The following PCDHA1 variants were observed in gnomAD, a reference collection of about 807,000 sequenced individuals.
PCDHA1 encodes protocadherin alpha-1.
PCDHA1 carries 42 observed loss-of-function variants against 61.3 expected under a neutral mutation model. The ratio of observed to expected loss-of-function variants is 0.69; its 90% CI spans 0.54 to 0.89. The LOEUF (loss-of-function observed/expected upper bound fraction) is 0.89, where lower values mean the gene tolerates loss of function less well. Ranked by LOEUF, PCDHA1 falls within the 40% of genes least tolerant of loss-of-function variation. The pLI is 0.00. For missense variants in PCDHA1, 1,256 were observed against 1,235.3 expected, an observed-to-expected ratio of 1.02 and a Z score of -0.25; for synonymous variants, 610 against 553.8, an observed-to-expected ratio of 1.10 and a Z score of -1.43.
intron 1 of PCDHA1, chr5:140,968,146 T>C: frequency 6.2e-7 from 1 of 1,614,140 alleles, no homozygotes. Flanking sequence ...TTGAGATCTC[T>C]GACATCAATG....
intron 1 of PCDHA1, chr5:140,807,856 T>C (rs781955377): frequency 1.9e-6 from 3 of 1,614,214 alleles, no homozygotes. Context: ...CCGAGTTGAC[T>C]GGCACCGTTC....
At chr5:140,828,752 G>C in intron 1 of PCDHA1, 1 of 1,614,226 alleles carries the variant, frequency 6.2e-7, no homozygotes, top group Admixed American at 1.7e-5. Context: ...GGGCAAACCT[G>C]AGCTCACAGG....
chr5:140,795,970 A>G (rs1762017132), intron 1 of PCDHA1: 2 of 1,614,032 alleles, frequency 1.2e-6, no homozygotes, highest in African/African-American at 2.7e-5. Flanking sequence ...ACATTGTAAA[A>G]TTTCATTAAA....
At chr5:140,897,881 C>T (rs1417702752) in intron 1 of PCDHA1, among the ~76,000 whole-genome samples, 1 of 152,194 alleles carries the variant, frequency 6.6e-6, no homozygotes. Context: ...GATTGCCATT[C>T]TAACTGGTGT....
At chr5:140,985,148 A>G (rs2097138818) in intron 3 of PCDHA1, among the ~76,000 whole-genome samples, 1 of 152,192 alleles carries the variant, frequency 6.6e-6, no homozygotes, top group South Asian at 2.1e-4. Context: ...CGTGTTAGCC[A>G]GGATTGTCTC....
intron 1 of PCDHA1, among the ~76,000 whole-genome samples, chr5:140,886,744 TG>T (rs2061111877): frequency 6.6e-6 from 1 of 150,996 alleles, no homozygotes. Flanking sequence ...GAGAATTGCT[TG>T]AACCCGGGAG....
At chr5:140,941,852 T>G (rs1254913265) in intron 1 of PCDHA1, among the ~76,000 whole-genome samples, 2 of 152,236 alleles carry the variant, frequency 1.3e-5, no homozygotes, top group Non-Finnish European at 2.9e-5. Context: ...TTACCTGATA[T>G]TCCCTATCAT....
At chr5:140,967,047 T>C in intron 1 of PCDHA1, 5 of 1,612,444 alleles carry the variant, frequency 3.1e-6, no homozygotes, top group Non-Finnish European at 4.2e-6. Flanking sequence ...GAGCTGGACC[T>C]GACGAGTGGA....
rs1041810006 is a variant in PCDHA1, at chr5:140,826,282, C to T, written c.2394+37598C>T. Among the ~76,000 whole-genome samples the T allele has an allele frequency of 1.1e-4, 16 of 152,038 alleles. 2 individuals carry two copies. Among genetic ancestry groups the T allele is most frequent in the Admixed American group, 5.2e-4 (8 of 15,262 alleles). ...AAGTCTTTATGTATATTTTGTGCAGCTTGTCTTTTTTATAGGAACCTCTTG... is the reference window on the plus strand; with the variant it reads ...AAGTCTTTATGTATATTTTGTGCAGTTTGTCTTTTTTATAGGAACCTCTTG... On this transcript the variant is annotated intron_variant, in intron 1 of 3. Transcript: ENST00000504120.
At chr5:140,828,682 G>T (rs1562298994) in intron 1 of PCDHA1, 1 of 1,614,236 alleles carries the variant, frequency 6.2e-7, no homozygotes, top group Non-Finnish European at 8.5e-7. Context: ...TCTTATTAAA[G>T]AAATCCTTGG....
intron 1 of PCDHA1, chr5:140,966,646 G>T (rs2096032297): frequency 4.4e-6 from 5 of 1,139,570 alleles, no homozygotes; most frequent in Non-Finnish European, 4.6e-6. Flanking sequence ...TTTCTAGAGC[G>T]TGAGCGGTGG....
chr5:140,913,082 CA>C (rs1341633290), intron 1 of PCDHA1, among the ~76,000 whole-genome samples: 2 of 152,108 alleles, frequency 1.3e-5, no homozygotes, highest in Non-Finnish European at 2.9e-5. Flanking sequence ...TGTTTGGTAT[CA>C]GGATAATACT....
intron 3 of PCDHA1, among the ~76,000 whole-genome samples, chr5:140,988,042 T>C (rs1365233473): frequency 1.3e-5 from 2 of 152,212 alleles, no homozygotes. Context: ...AGAATCTGTT[T>C]AGGAGCACTG....
intron 1 of PCDHA1, chr5:140,812,764 A>G (rs1266568194): frequency 6.6e-6 from 1 of 152,142 alleles, no homozygotes; most frequent in Non-Finnish European, 1.5e-5. Context: ...TGCCCAGCTT[A>G]ATATTCCTTC....
At chr5:140,803,755 C>A in intron 1 of PCDHA1, 1 of 1,260,410 alleles carries the variant, frequency 7.9e-7, no homozygotes, top group Non-Finnish European at 1.1e-6. Flanking sequence ...ATTTTTGTTG[C>A]TAATTTTTGA....
At chr5:140,824,328 TA>T in intron 1 of PCDHA1, 1 of 658,016 alleles carries the variant, frequency 1.5e-6, no homozygotes, top group Non-Finnish European at 2.6e-6. Flanking sequence ...CTTTCTGTGA[TA>T]TTAAGTGTTT....
rs2150345601 is a variant in PCDHA1 at position 140,842,829 on chromosome 5, C to G, written c.2394+54145C>G. Reference sequence around the variant, plus strand: ...GTGGAGCGGCGGGTGGGCGAGCGCTCGCTGTCGAGCTACATTTCGGTGCAC... The same window carrying G: ...GTGGAGCGGCGGGTGGGCGAGCGCTGGCTGTCGAGCTACATTTCGGTGCAC... On this transcript the variant is annotated intron_variant, in intron 1 of 3. Coordinates refer to ENST00000504120, the MANE Select transcript of PCDHA1 (RefSeq NM_018900.4). The G allele has an allele frequency of 8.8e-6, 14 of 1,593,636 alleles. 2 individuals are homozygous for G. The highest frequency in any genetic ancestry group is 1.1e-5 in the South Asian group (1 of 90,422).
intron 1 of PCDHA1, among the ~76,000 whole-genome samples, chr5:140,891,366 T>C (rs1261887556): frequency 6.6e-6 from 1 of 152,168 alleles, no homozygotes; most frequent in Non-Finnish European, 1.5e-5. Flanking sequence ...CTGAGCAGTA[T>C]ACATTGCACC....
chr5:140,909,280 T>C (rs1353122604), intron 1 of PCDHA1, among the ~76,000 whole-genome samples: 3 of 152,212 alleles, frequency 2.0e-5, no homozygotes, highest in African/African-American at 7.2e-5. Flanking sequence ...TTGCTTCTGG[T>C]GGGCCTTATG....
Sources: allele counts gnomAD v4.1 joint callset (sites outside exome capture counted in the v4.1 genomes callset), GRCh38; gene constraint gnomAD v4.1.1; transcripts MANE v1.5; gene names NCBI Gene and HGNC (gene_info 2026-07-23, HGNC 2026-07-21).